The following NKAIN2 variants were observed in gnomAD, a reference collection of about 807,000 sequenced individuals.
NKAIN2 encodes the protein sodium/potassium transporting ATPase interacting 2.
NKAIN2 carries 14 observed loss-of-function variants against 32.6 expected under a neutral mutation model. The ratio of observed to expected loss-of-function variants is 0.43; its 90% CI spans 0.28 to 0.67. The LOEUF (loss-of-function observed/expected upper bound fraction) is 0.67, where lower values mean the gene tolerates loss of function less well. Among genes scored for constraint, NKAIN2 ranks in the 30% least tolerant of loss-of-function variants. The pLI, the probability that NKAIN2 is intolerant of heterozygous loss-of-function variation, is 0.17. For missense variants in NKAIN2, 198 were observed against 258.3 expected, an observed-to-expected ratio of 0.77 and a Z score of 1.60; for synonymous variants, 80 against 87.2, an observed-to-expected ratio of 0.92 and a Z score of 0.46.
chr6:124,757,934 G>T (rs1013231650), intron 4 of NKAIN2, among the ~76,000 whole-genome samples: 1 of 152,122 alleles, frequency 6.6e-6, no homozygotes, highest in Non-Finnish European at 1.5e-5. Flanking sequence ...AACTAATAAG[G>T]TATGTCACTT....
At chr6:124,447,476 G>A (rs1775942288) in intron 3 of NKAIN2, among the ~76,000 whole-genome samples, 1 of 152,068 alleles carries the variant, frequency 6.6e-6, no homozygotes, top group Non-Finnish European at 1.5e-5. Context: ...GATGAAACTA[G>A]GAGGAAATGA....
At chr6:124,797,346 A>G (rs1044706193) in intron 5 of NKAIN2, among the ~76,000 whole-genome samples, 1 of 152,128 alleles carries the variant, frequency 6.6e-6, no homozygotes, top group Admixed American at 6.5e-5. Flanking sequence ...AAGAGATTCA[A>G]TGTATTTGCA....
chr6:124,336,522 G>C (rs1035677867), intron 2 of NKAIN2, among the ~76,000 whole-genome samples: 2 of 152,112 alleles, frequency 1.3e-5, no homozygotes, highest in African/African-American at 4.8e-5. Context: ...TAGATCTAGA[G>C]CTCTGATAGC....
chr6:123,930,306 G>C (rs1776197200), intron 1 of NKAIN2, among the ~76,000 whole-genome samples: 2 of 151,972 alleles, frequency 1.3e-5, no homozygotes. Flanking sequence ...TATAGCCAGA[G>C]TAGGATTTAG....
intron 3 of NKAIN2, among the ~76,000 whole-genome samples, chr6:124,369,707 C>T (rs1799669434): frequency 6.6e-6 from 1 of 151,862 alleles, no homozygotes; most frequent in Admixed American, 6.6e-5. Context: ...ATGTCCAATT[C>T]CTCATACCAC....
rs564728264 is a variant in NKAIN2 at position 124,293,504 on chromosome 6, T to C, written c.192+10362T>C. On this transcript the variant is annotated intron_variant, in intron 2 of 6. Coordinates refer to ENST00000368417, the MANE Select transcript of NKAIN2 (RefSeq NM_001040214.3). ...ATTCAAATAGGATTGGAACTACAAA[T>C]GTTCTTAGAACTAATCTATGAAACC... Among the ~76,000 whole-genome samples, 36 of 152,280 alleles carry C rather than the reference T, an allele frequency of 2.4e-4. No individual in the cohort carries two copies. In the East Asian group the frequency reaches 4.1e-3, roughly 17 times the overall value.
At chr6:123,890,980 G>A (rs547391979) in intron 1 of NKAIN2, among the ~76,000 whole-genome samples, 3 of 152,198 alleles carry the variant, frequency 2.0e-5, no homozygotes, top group African/African-American at 4.8e-5. Flanking sequence ...ACAAAATGTG[G>A]TGTATGCATA....
At chr6:124,609,441 AATGT>A (rs1782611166) in intron 3 of NKAIN2, among the ~76,000 whole-genome samples, 1 of 152,084 alleles carries the variant, frequency 6.6e-6, no homozygotes, top group Non-Finnish European at 1.5e-5. Flanking sequence ...AATGTTAGAA[AATGT>A]ATACTAGAAT....
intron 1 of NKAIN2, among the ~76,000 whole-genome samples, chr6:124,015,258 T>C (rs1582932143): frequency 6.6e-6 from 1 of 152,324 alleles, no homozygotes; most frequent in Non-Finnish European, 1.5e-5. Context: ...CAACCATTAT[T>C]AATCCCTTTC....
intron 1 of NKAIN2, among the ~76,000 whole-genome samples, chr6:124,259,213 TTGGAATAAAATTGA>T (rs1434851622): frequency 6.6e-6 from 1 of 152,118 alleles, no homozygotes; most frequent in African/African-American, 2.4e-5. Context: ...CTGTCTCAAA[TTGGAATAAAATTGA>T]TGGAATAAAA....
chr6:124,580,372 TTTTA>T (rs763247092), intron 3 of NKAIN2, among the ~76,000 whole-genome samples: 6 of 152,192 alleles, frequency 3.9e-5, no homozygotes, highest in Non-Finnish European at 8.8e-5. Context: ...AGTGTGAAGT[TTTTA>T]TTCATTTTCT....
At chr6:124,198,927 G>A (rs887759973) in intron 1 of NKAIN2, among the ~76,000 whole-genome samples, 2 of 152,036 alleles carry the variant, frequency 1.3e-5, no homozygotes, top group Non-Finnish European at 2.9e-5. Context: ...TATTTTTATT[G>A]TTTGGTTGTG....
chr6:124,518,040 A>G (rs1264841917), intron 3 of NKAIN2, among the ~76,000 whole-genome samples: 1 of 152,148 alleles, frequency 6.6e-6, no homozygotes. Flanking sequence ...ATTTCAATGA[A>G]TGTGATTTAA....
intron 1 of NKAIN2, among the ~76,000 whole-genome samples, chr6:124,147,616 A>G (rs1787479904): frequency 6.6e-6 from 1 of 152,184 alleles, no homozygotes; most frequent in Non-Finnish European, 1.5e-5. Context: ...AACAAAAAAA[A>G]AGCCCACGAA....
At chr6:124,817,837 CTGAT>C (rs1453520290) in intron 5 of NKAIN2, among the ~76,000 whole-genome samples, 2 of 152,132 alleles carry the variant, frequency 1.3e-5, no homozygotes, top group African/African-American at 4.8e-5. Context: ...ATGTTTACCT[CTGAT>C]TGTTTAAGAT....
At chr6:124,329,500 C>G (rs1434164968) in intron 2 of NKAIN2, among the ~76,000 whole-genome samples, 1 of 152,206 alleles carries the variant, frequency 6.6e-6, no homozygotes, top group African/African-American at 2.4e-5. Context: ...CCCAGATCCA[C>G]AGAGCCTAAT....
At chr6:124,684,957 G>T (rs1255907974) in intron 4 of NKAIN2, among the ~76,000 whole-genome samples, 1 of 152,090 alleles carries the variant, frequency 6.6e-6, no homozygotes, top group African/African-American at 2.4e-5. Flanking sequence ...TTATCAGAAA[G>T]ATTCTTATCC....
intron 1 of NKAIN2, among the ~76,000 whole-genome samples, chr6:124,266,996 T>C (rs990164348): frequency 2.6e-5 from 4 of 152,158 alleles, no homozygotes; most frequent in Non-Finnish European, 4.4e-5. Flanking sequence ...GATAAAGAGA[T>C]TCTATAAAGA....
In NKAIN2 at chr6:124,418,098, T is replaced by A. The variant is rs1360690791; in HGVS notation, c.273+62751T>A. On this transcript the variant is annotated intron_variant, in intron 3 of 6. Coordinates refer to ENST00000368417, the MANE Select transcript of NKAIN2 (RefSeq NM_001040214.3). ...AGAGACTTATTAGGCATTAAATATATTTCAGCTTCGCTTTCATTCCTGGCC... is the reference window on the plus strand; with the variant it reads ...AGAGACTTATTAGGCATTAAATATAATTCAGCTTCGCTTTCATTCCTGGCC... 4.6e-5 allele frequency among the ~76,000 whole-genome samples: 7 copies of A among 152,130 alleles called. No homozygotes were observed. The East Asian group carries it at 1.4e-3, about 29-fold the overall frequency.
Sources: gnomAD v4.1 joint callset for allele counts (sites outside exome capture counted in the v4.1 genomes callset) on GRCh38, gnomAD v4.1.1 for gene constraint, MANE v1.5 for transcripts, NCBI Gene and HGNC (gene_info 2026-07-23, HGNC 2026-07-21) for gene names.